HSD17B14: variants seen among roughly 807,000 people sequenced by gnomAD.
HSD17B14 encodes hydroxysteroid 17-beta dehydrogenase 14, also known as L-fucose dehydrogenase.
HSD17B14 carries 32 observed loss-of-function variants against 32.2 expected under a neutral mutation model. The observed-to-expected ratio is 0.99, with a 90% confidence interval of 0.75 to 1.33. The LOEUF (loss-of-function observed/expected upper bound fraction) is 1.33. Ranked by LOEUF, HSD17B14 falls within the 40% of genes most tolerant of loss-of-function variation. The pLI is 0.00. For missense variants in HSD17B14, 370 were observed against 366.5 expected (o/e 1.01, Z -0.08); for synonymous variants, 140 against 155.4 (o/e 0.90, Z 0.74).
At chr19:48,825,550 A>T (rs2035229809) in intron 5 of HSD17B14, among the ~76,000 whole-genome samples, 1 of 151,944 alleles carries the variant, frequency 6.6e-6, no homozygotes, top group Non-Finnish European at 1.5e-5. Flanking sequence ...AGCTCAAGTG[A>T]TTTTCCCACC....
At chr19:48,820,479 A>C (rs1417104177) in intron 5 of HSD17B14, among the ~76,000 whole-genome samples, 1 of 151,790 alleles carries the variant, frequency 6.6e-6, no homozygotes, top group East Asian at 1.9e-4. Context: ...CCAAAATAAA[A>C]GAATGTTGCC....
intron 5 of HSD17B14, among the ~76,000 whole-genome samples, chr19:48,829,085 A>C (rs1599840211): frequency 6.6e-6 from 1 of 152,042 alleles, no homozygotes; most frequent in Admixed American, 6.6e-5. Context: ...TTAATTTTTA[A>C]AAAAGTTGTT....
Position 48,824,933 on chromosome 19 carries a change from G to A in HSD17B14, c.369+6735C>T, listed in dbSNP as rs73587850. ...ACACTGGTGGTATGGTACGCATGAAGTTCCTACTGATAAAATTGTATGATC... is the reference window on the plus strand; with the variant it reads ...ACACTGGTGGTATGGTACGCATGAAATTCCTACTGATAAAATTGTATGATC... On this transcript the variant is annotated intron_variant, in intron 5 of 8. Transcript: ENST00000263278. 3.9e-3 allele frequency among the ~76,000 whole-genome samples: 593 copies of A among 152,112 alleles called. 4 individuals are homozygous for A. Among genetic ancestry groups the A allele is most frequent in the African/African-American group, 0.014 (563 of 41,526 alleles).
chr19:48,834,169 C>G, intron 3 of HSD17B14, 107 bp downstream of exon 3: 1 of 873,326 alleles, frequency 1.1e-6, no homozygotes, highest in Non-Finnish European at 1.9e-6. Flanking sequence ...TCCAGCGGAG[C>G]CAGGAGAGGA....
intron 5 of HSD17B14, among the ~76,000 whole-genome samples, chr19:48,829,398 C>T (rs530735697): frequency 6.6e-6 from 1 of 151,872 alleles, no homozygotes; most frequent in African/African-American, 2.4e-5. Flanking sequence ...GTCACCCAGG[C>T]TGGAGTGTAG....
intron 5 of HSD17B14, among the ~76,000 whole-genome samples, chr19:48,822,986 C>G (rs1388358311): frequency 1.3e-5 from 2 of 152,032 alleles, no homozygotes; most frequent in African/African-American, 4.8e-5. Context: ...TCACAAGATT[C>G]CTTTGCAACA....
chr19:48,816,746 T>C (rs1471548839), intron 5 of HSD17B14, among the ~76,000 whole-genome samples: 2 of 148,854 alleles, frequency 1.3e-5, no homozygotes, highest in Non-Finnish European at 3.0e-5. Flanking sequence ...ACCCAGGTGT[T>C]TGAGGCCAGC....
chr19:48,835,753 C>G (rs1023807940), intron 2 of HSD17B14, 52 bp downstream of exon 2: 1 of 1,599,078 alleles, frequency 6.3e-7, no homozygotes, highest in Non-Finnish European at 8.6e-7. Context: ...GTCTGGACCT[C>G]TGGGTCTGAG....
chr19:48,832,000 C>G (rs1026917401), intron 4 of HSD17B14, among the ~76,000 whole-genome samples: 1 of 149,506 alleles, frequency 6.7e-6, no homozygotes, highest in African/African-American at 2.5e-5. Context: ...ATTGCTTGAA[C>G]CTGGGAGGTG....
intron 5 of HSD17B14, among the ~76,000 whole-genome samples, chr19:48,830,645 C>T (rs1644745): frequency 6.6e-6 from 1 of 152,038 alleles, no homozygotes; most frequent in Non-Finnish European, 1.5e-5. Context: ...ATCCTCCCGC[C>T]TCAGCCTCCC....
At chr19:48,820,784 C>G (rs1335452743) in intron 5 of HSD17B14, among the ~76,000 whole-genome samples, 1 of 151,632 alleles carries the variant, frequency 6.6e-6, no homozygotes, top group Non-Finnish European at 1.5e-5. Flanking sequence ...GGGAGGATAG[C>G]TTGAGCCCAG....
intron 4 of HSD17B14, among the ~76,000 whole-genome samples, chr19:48,832,318 G>A (rs2035353031): frequency 6.6e-6 from 1 of 151,822 alleles, no homozygotes; most frequent in Non-Finnish European, 1.5e-5. Context: ...GGCAGAGGTT[G>A]CAGTGAGCTG....
At chr19:48,816,022 GA>G (rs71179053) in intron 5 of HSD17B14, among the ~76,000 whole-genome samples, 152 of 74,314 alleles carry the variant, frequency 2.0e-3, no homozygotes, top group East Asian at 4.1e-3. Context: ...CTCCGTTTCA[GA>G]AAAAAAAAAA....
chr19:48,834,219 G>T, intron 3 of HSD17B14, 57 bp downstream of exon 3: 3 of 1,393,048 alleles, frequency 2.2e-6, no homozygotes, highest in South Asian at 1.2e-5. Context: ...ATGGCTGGAG[G>T]AGAACAAAGA....
At chr19:48,834,783 TG>T (rs1174036731) in intron 2 of HSD17B14, among the ~76,000 whole-genome samples, 2 of 103,682 alleles carry the variant, frequency 1.9e-5, no homozygotes, top group Admixed American at 9.4e-5. Context: ...GAGGAGGGGC[TG>T]GGAGCCTGGA....
In HSD17B14 at chr19:48,817,743, G is replaced by T. The variant is rs147179717; in HGVS notation, c.370-2602C>A. Among the ~76,000 whole-genome samples the T allele has an allele frequency of 1.2e-4, 18 of 152,304 alleles. No individual in the cohort carries two copies. In the East Asian group the frequency reaches 3.1e-3, roughly 26 times the overall value. ...AAATATCCTTTGAATGAATGAATGG[G>T]TGAATTAATGAATGAATGGAGGACC... is the stretch of plus-strand genomic sequence containing the variant. On this transcript the variant is annotated intron_variant, in intron 5 of 8. Coordinates refer to ENST00000263278, the MANE Select transcript of HSD17B14 (RefSeq NM_016246.3).
intron 6 of HSD17B14, among the ~76,000 whole-genome samples, chr19:48,814,458 G>A (rs2035017162): frequency 6.6e-6 from 1 of 151,900 alleles, no homozygotes; most frequent in Admixed American, 6.6e-5. Flanking sequence ...GGAGGCGGAG[G>A]TTGCAGTGAG....
intron 5 of HSD17B14, among the ~76,000 whole-genome samples, chr19:48,824,944 T>C (rs1204057181): frequency 6.6e-6 from 1 of 151,794 alleles, no homozygotes; most frequent in Non-Finnish European, 1.5e-5. Context: ...TTCCTACTGA[T>C]AAAATTGTAT....
intron 4 of HSD17B14, 41 bp downstream of exon 4, chr19:48,832,625 G>A (rs747956807): frequency 7.1e-6 from 11 of 1,555,482 alleles, no homozygotes; most frequent in Non-Finnish European, 9.7e-6. Context: ...CAGAGTTGGG[G>A]GGCAGGAGGT....
Sources: allele counts gnomAD v4.1 joint callset (sites outside exome capture counted in the v4.1 genomes callset), GRCh38; gene constraint gnomAD v4.1.1; transcripts MANE v1.5; gene names NCBI Gene and HGNC (gene_info 2026-07-23, HGNC 2026-07-21).